Variants in FHIT observed in about 807,000 individuals in gnomAD.
FHIT encodes the protein fragile histidine triad diadenosine triphosphatase, also known as bis(5'-adenosyl)-triphosphatase.
A neutral mutation model predicts 17.9 loss-of-function variants in FHIT; 19 were observed. The observed-to-expected ratio is 1.06, with a 90% confidence interval of 0.74 to 1.56. The LOEUF (loss-of-function observed/expected upper bound fraction) is 1.56, where lower values mean the gene tolerates loss of function less well. FHIT is among the 40% of genes most tolerant of loss of function. The probability of loss-of-function intolerance (pLI) is 0.00; values close to 1 mark genes in which losing one functional copy is unlikely to be tolerated. For synonymous variants in FHIT, 81 were observed against 69.7 expected (o/e 1.16, Z -0.81); for missense variants, 248 against 189.2 (o/e 1.31, Z -1.82).
chr3:60,517,933 C>T (rs2035221335), intron 5 of FHIT, among the ~76,000 whole-genome samples: 2 of 152,142 alleles, frequency 1.3e-5, no homozygotes, highest in Non-Finnish European at 2.9e-5. Flanking sequence ...TTGGAAATAC[C>T]ATTCTTTACC....
At chr3:60,166,836 T>C (rs538747092) in intron 5 of FHIT, among the ~76,000 whole-genome samples, 1 of 152,310 alleles carries the variant, frequency 6.6e-6, no homozygotes, top group African/African-American at 2.4e-5. Flanking sequence ...ATACCAAATA[T>C]TATATCTAGG....
chr3:60,652,082 C>A (rs1242783084), intron 4 of FHIT, among the ~76,000 whole-genome samples: 3 of 152,150 alleles, frequency 2.0e-5, no homozygotes, highest in African/African-American at 7.2e-5. Flanking sequence ...GAGGGCCGAC[C>A]TGCCTGGTTA....
intron 5 of FHIT, among the ~76,000 whole-genome samples, chr3:60,057,376 T>G (rs554163922): frequency 6.6e-6 from 1 of 152,300 alleles, no homozygotes; most frequent in East Asian, 1.9e-4. Flanking sequence ...CAACAAACAC[T>G]TCCATGCCTC....
rs186090676 is a variant in FHIT, at chr3:60,151,280, T to C, written c.104-137128A>G. On this transcript the variant is annotated intron_variant, in intron 5 of 9. Coordinates refer to ENST00000492590, the MANE Select transcript of FHIT (RefSeq NM_002012.4). ...ATAATCATGTGATATGACTTTATCA[T>C]ATCAGTTTACATTCCTGAATATAAT... is the stretch of plus-strand genomic sequence containing the variant. Among the ~76,000 whole-genome samples the C allele has an allele frequency of 7.8e-4, 119 of 152,308 alleles. 1 individual carries two copies. Among genetic ancestry groups the C allele is most frequent in the African/African-American group, 2.7e-3 (114 of 41,566 alleles).
intron 5 of FHIT, among the ~76,000 whole-genome samples, chr3:60,404,627 T>A (rs1048530488): frequency 1.3e-5 from 2 of 152,196 alleles, no homozygotes; most frequent in Non-Finnish European, 2.9e-5. Flanking sequence ...CTAATGAGAC[T>A]ATAGGCTTCA....
At chr3:60,988,946 T>TTAAAA (rs1559890541) in intron 3 of FHIT, among the ~76,000 whole-genome samples, 1 of 34,334 alleles carries the variant, frequency 2.9e-5, no homozygotes, top group Non-Finnish European at 4.9e-5. Flanking sequence ...ATGGCTTTGT[T>TTAAAA]AAAAAAAAAA....
intron 2 of FHIT, among the ~76,000 whole-genome samples, chr3:61,180,691 A>C (rs2038313888): frequency 6.6e-6 from 1 of 152,236 alleles, no homozygotes; most frequent in African/African-American, 2.4e-5. Flanking sequence ...TCAGTCACAA[A>C]AAAGTACCAA....
intron 5 of FHIT, among the ~76,000 whole-genome samples, chr3:60,032,613 C>T (rs1023138794): frequency 6.6e-6 from 1 of 152,108 alleles, no homozygotes; most frequent in Non-Finnish European, 1.5e-5. Context: ...GCTGTCACTA[C>T]CTAAATCTGC....
intron 4 of FHIT, among the ~76,000 whole-genome samples, chr3:60,688,603 T>C (rs574310181): frequency 1.2e-3 from 186 of 152,080 alleles, no homozygotes; most frequent in Admixed American, 3.0e-3. Flanking sequence ...GGCTAATTTT[T>C]GTATTTTTAG....
At chr3:60,294,188 C>T (rs1431844974) in intron 5 of FHIT, among the ~76,000 whole-genome samples, 1 of 152,014 alleles carries the variant, frequency 6.6e-6, no homozygotes, top group African/African-American at 2.4e-5. Context: ...AAAGAGATGC[C>T]AGTAAGTTCT....
chr3:60,080,723 T>C (rs917918235), intron 5 of FHIT: 1 of 151,844 alleles, frequency 6.6e-6, no homozygotes, highest in Non-Finnish European at 1.5e-5. Flanking sequence ...TGTAAGAGCA[T>C]TTACAAAGAA....
intron 4 of FHIT, among the ~76,000 whole-genome samples, chr3:60,758,254 G>C (rs1051725695): frequency 1.3e-5 from 2 of 152,162 alleles, no homozygotes; most frequent in Non-Finnish European, 2.9e-5. Context: ...TTACCCTTCA[G>C]GAGTTGAGTA....
intron 5 of FHIT, among the ~76,000 whole-genome samples, chr3:60,192,862 A>C (rs948942704): frequency 1.3e-5 from 2 of 152,144 alleles, no homozygotes; most frequent in African/African-American, 4.8e-5. Flanking sequence ...TTTTCAAATA[A>C]TTGTTTATAG....
rs58100812 is a variant in FHIT at position 59,787,481 on chromosome 3, AACACACACACACACAC to A, written c.349-35176_349-35161del. ...TGCATACCAGAAGCACAAGGGGCAA[AACACACACACACACAC>A]ACACACACACACACACACACACACA... On this transcript the variant is annotated intron_variant, in intron 8 of 9. Coordinates refer to ENST00000492590, the MANE Select transcript of FHIT (RefSeq NM_002012.4). Among the ~76,000 whole-genome samples the A allele has an allele frequency of 4.1e-3, 580 of 142,466 alleles. 4 individuals carry two copies. The highest frequency in any genetic ancestry group is 7.0e-3 in the Middle Eastern group (2 of 284). 93.5% of individuals were successfully genotyped at this position (142,466 alleles called of 152,430 possible). A position where few individuals can be genotyped will look rare whatever the true frequency, so the allele number is the denominator to read the frequency against.
At chr3:59,926,640 T>A (rs1034429824) in intron 7 of FHIT, among the ~76,000 whole-genome samples, 1 of 151,982 alleles carries the variant, frequency 6.6e-6, no homozygotes, top group African/African-American at 2.4e-5. Flanking sequence ...TTTCAAAGAG[T>A]GTATCACTAA....
chr3:61,208,592 C>G (rs1265873467), intron 1 of FHIT, among the ~76,000 whole-genome samples: 1 of 151,960 alleles, frequency 6.6e-6, no homozygotes, highest in Non-Finnish European at 1.5e-5. Context: ...CTCTTTTGAT[C>G]TTTGTTGGTT....
intron 8 of FHIT, among the ~76,000 whole-genome samples, chr3:59,855,404 G>T (rs745748899): frequency 6.6e-5 from 10 of 151,920 alleles, no homozygotes; most frequent in Non-Finnish European, 8.8e-5. Context: ...ATGTATAATT[G>T]GTCCTAACAT....
chr3:60,665,279 T>C (rs1231352214), intron 4 of FHIT, among the ~76,000 whole-genome samples: 4 of 152,106 alleles, frequency 2.6e-5, no homozygotes, highest in African/African-American at 4.8e-5. Context: ...TCTATATATT[T>C]CAATTAGATT....
At chr3:60,147,766 G>T (rs552926709) in intron 5 of FHIT, among the ~76,000 whole-genome samples, 2 of 152,280 alleles carry the variant, frequency 1.3e-5, no homozygotes, top group African/African-American at 4.8e-5. Context: ...GCAGTCAGCT[G>T]GAAACATATG....
Sources: gnomAD v4.1 joint callset for allele counts (sites outside exome capture counted in the v4.1 genomes callset) on GRCh38, gnomAD v4.1.1 for gene constraint, MANE v1.5 for transcripts, NCBI Gene and HGNC (gene_info 2026-07-23, HGNC 2026-07-21) for gene names.